INSR: variants seen among roughly 807,000 people sequenced by gnomAD.
INSR encodes insulin receptor.
In INSR, 67 loss-of-function variants were observed where a neutral mutation model predicts 142.6. The observed-to-expected ratio is 0.47, with a 90% confidence interval of 0.39 to 0.58. The LOEUF is 0.58. Among genes scored for constraint, INSR ranks in the 20% least tolerant of loss-of-function variants. INSR has a pLI of 0.00. For synonymous variants in INSR, 756 were observed against 743.1 expected (o/e 1.02, Z -0.28); for missense variants, 1,248 against 1,833.2 (o/e 0.68, Z 5.83).
chr19:7,240,825 AG>A (rs1377036295), intron 2 of INSR, among the ~76,000 whole-genome samples: 1 of 152,220 alleles, frequency 6.6e-6, no homozygotes, highest in African/African-American at 2.4e-5. Flanking sequence ...AATTACCTCC[AG>A]GCTATGTGTA....
chr19:7,124,598 TATATATATATATATATATA>T (rs1972594443), intron 17 of INSR, among the ~76,000 whole-genome samples: 1 of 19,578 alleles, frequency 5.1e-5, no homozygotes, highest in Non-Finnish European at 7.8e-5. Context: ...AATATATATA[TATATATATATATATATATA>T]TATATATATA....
chr19:7,270,590 A>AAATAAT (rs1458553186), intron 1 of INSR, among the ~76,000 whole-genome samples: 3 of 151,940 alleles, frequency 2.0e-5, no homozygotes, highest in African/African-American at 7.3e-5. Context: ...CAACTCTAAA[A>AAATAAT]AATAATAATA....
At position 7,225,231 on chromosome 19, in the gene INSR, C is replaced by T. The variant is rs770236827; in HGVS notation, c.653-40594G>A. Among the ~76,000 whole-genome samples, 9 of 152,102 alleles carry T rather than the reference C, an allele frequency of 5.9e-5. No individual in the cohort carries two copies. Among genetic ancestry groups the T allele is most frequent in the Non-Finnish European group, 1.0e-4 (7 of 68,004 alleles). ...TGCCCATGGTCACACAGCTATTGAGCGGCCGAGCCACAAGAAGACACTTGC... is the reference window on the plus strand; with the variant it reads ...TGCCCATGGTCACACAGCTATTGAGTGGCCGAGCCACAAGAAGACACTTGC... On this transcript the variant is annotated intron_variant, in intron 2 of 21. Coordinates refer to ENST00000302850, the MANE Select transcript of INSR (RefSeq NM_000208.4). The surrounding 1 kb of genome is among the most constrained non-coding windows in gnomAD (Gnocchi z 4.7).
Position 7,152,597 on chromosome 19 carries a change from C to T in INSR, c.2231+129G>A, listed in dbSNP as rs1973400874. ...ATCTCTTCCTCCACCCAGGAAAGGGCTCCATTCAGACTCCACCCACCCTTC... is the reference window on the plus strand; with the variant it reads ...ATCTCTTCCTCCACCCAGGAAAGGGTTCCATTCAGACTCCACCCACCCTTC... On this transcript the variant is annotated intron_variant, in intron 10 of 21. Transcript: ENST00000302850. The T allele has an allele frequency of 3.7e-6, 3 of 814,792 alleles. No homozygotes were observed. The South Asian group carries it at 4.0e-5, about 11-fold the overall frequency. The allele number at this position is 814,792 out of a possible 1,614,324, so 50.5% of individuals were successfully genotyped here.
chr19:7,223,950 ATTTT>A (rs10533917), intron 2 of INSR, among the ~76,000 whole-genome samples: 5 of 148,056 alleles, frequency 3.4e-5, no homozygotes, highest in South Asian at 2.1e-4. Flanking sequence ...ACAAAAAAAA[ATTTT>A]TTTTTTTTTT....
intron 2 of INSR, among the ~76,000 whole-genome samples, chr19:7,242,015 GGT>G (rs1421578045): frequency 3.9e-5 from 6 of 151,980 alleles, no homozygotes; most frequent in African/African-American, 1.5e-4. Flanking sequence ...AGCCAGGTAT[GGT>G]GGTATGCACC....
intron 2 of INSR, among the ~76,000 whole-genome samples, chr19:7,254,324 T>A (rs1976824889): frequency 1.3e-5 from 2 of 152,046 alleles, no homozygotes; most frequent in Admixed American, 1.3e-4. Flanking sequence ...GTGAGCTGCC[T>A]GGGAAACATA....
intron 2 of INSR, among the ~76,000 whole-genome samples, chr19:7,230,046 C>T (rs1477524357): frequency 6.6e-6 from 1 of 152,098 alleles, no homozygotes; most frequent in Non-Finnish European, 1.5e-5. Context: ...TCTGCCTCAA[C>T]CTCCCAAAAC....
intron 2 of INSR, among the ~76,000 whole-genome samples, chr19:7,215,084 T>C (rs1163547166): frequency 6.6e-6 from 1 of 151,928 alleles, no homozygotes; most frequent in African/African-American, 2.4e-5. Context: ...GCCTCCCGAG[T>C]AGCTGGGGCT....
intron 2 of INSR, among the ~76,000 whole-genome samples, chr19:7,242,162 A>AAT (rs1349644948): frequency 6.6e-6 from 1 of 151,348 alleles, no homozygotes; most frequent in Non-Finnish European, 1.5e-5. Flanking sequence ...TCAAAAAAAA[A>AAT]AAAAGAAGAA....
At chr19:7,274,374 G>A (rs551879551) in intron 1 of INSR, among the ~76,000 whole-genome samples, 2 of 152,018 alleles carry the variant, frequency 1.3e-5, no homozygotes, top group Admixed American at 6.6e-5. Flanking sequence ...GACATGGACT[G>A]CTACTGGTCT....
chr19:7,274,962 G>A (rs899686861), intron 1 of INSR, among the ~76,000 whole-genome samples: 8 of 149,648 alleles, frequency 5.3e-5, no homozygotes, highest in South Asian at 2.1e-4. Flanking sequence ...TGAGCTGGTG[G>A]TGTTAGACAG....
intron 13 of INSR, among the ~76,000 whole-genome samples, chr19:7,132,551 C>T (rs555490404): frequency 6.6e-6 from 1 of 151,820 alleles, no homozygotes; most frequent in South Asian, 2.1e-4. Flanking sequence ...ACTTCCTAAG[C>T]CAGAAGCTGA....
intron 1 of INSR, among the ~76,000 whole-genome samples, chr19:7,271,265 A>G (rs8109131): frequency 0.54 from 81,397 of 151,894 alleles, 22,294 homozygotes; most frequent in African/African-American, 0.64. Context: ...GGAAGCCAAG[A>G]TAGGCAGATC....
chr19:7,145,886 CTGCTAAGAATAATTT>C, intron 11 of INSR, among the ~76,000 whole-genome samples: 1 of 152,336 alleles, frequency 6.6e-6, no homozygotes, highest in East Asian at 1.9e-4. Flanking sequence ...GTTCCTAACT[CTGCTAAGAATAATTT>C]TAAGAATGAT....
intron 2 of INSR, among the ~76,000 whole-genome samples, chr19:7,200,987 A>G (rs1974938818): frequency 6.6e-6 from 1 of 152,134 alleles, no homozygotes; most frequent in Non-Finnish European, 1.5e-5. Context: ...GGCAAGGTGC[A>G]AAAACCCCTG....
At chr19:7,239,641 C>A (rs1976278945) in intron 2 of INSR, among the ~76,000 whole-genome samples, 1 of 151,974 alleles carries the variant, frequency 6.6e-6, no homozygotes, top group Non-Finnish European at 1.5e-5. Context: ...GAGATGGACA[C>A]CAAGATGTTC....
At chr19:7,263,194 A>G (rs1438952711) in intron 2 of INSR, among the ~76,000 whole-genome samples, 2 of 151,826 alleles carry the variant, frequency 1.3e-5, no homozygotes, top group African/African-American at 4.8e-5. Flanking sequence ...CAGGAGAATC[A>G]TTTGAATCCA....
chr19:7,283,691 C>T (rs556632967), intron 1 of INSR, among the ~76,000 whole-genome samples: 6 of 152,276 alleles, frequency 3.9e-5, no homozygotes, highest in Non-Finnish European at 5.9e-5. Flanking sequence ...CCACCTGCCT[C>T]GGCCTCCCAA....
Sources: allele counts gnomAD v4.1 joint callset (sites outside exome capture counted in the v4.1 genomes callset), GRCh38; gene constraint gnomAD v4.1.1; non-coding constraint Gnocchi (gnomAD v3.1); transcripts MANE v1.5; gene names NCBI Gene and HGNC (gene_info 2026-07-23, HGNC 2026-07-21).